IFT122: variants seen among roughly 807,000 people sequenced by gnomAD.
The protein encoded by IFT122 is intraflagellar transport 122.
Under a neutral mutation model 161.6 loss-of-function variants are expected in IFT122, and 118 were observed. The observed-to-expected ratio is 0.73, with a 90% confidence interval of 0.63 to 0.85. IFT122 has a LOEUF of 0.85. Ranked by LOEUF, IFT122 falls within the 40% of genes least tolerant of loss-of-function variation. The probability of loss-of-function intolerance (pLI) is 0.00; values close to 1 mark genes in which losing one functional copy is unlikely to be tolerated. For synonymous variants in IFT122, 550 were observed against 602.4 expected, an observed-to-expected ratio of 0.91 and a Z score of 1.27; for missense variants, 1,381 against 1,579.6, an observed-to-expected ratio of 0.87 and a Z score of 2.13.
At chr3:129,461,657 G>C (rs2076226321) in intron 5 of IFT122, among the ~76,000 whole-genome samples, 2 of 152,182 alleles carry the variant, frequency 1.3e-5, no homozygotes, top group African/African-American at 4.8e-5. Flanking sequence ...GGCAGAGACA[G>C]TGCAGTTGTC....
At chr3:129,519,051 G>A in intron 27 of IFT122, 56 bp from the exon 28 acceptor site, 1 of 1,442,100 alleles carries the variant, frequency 6.9e-7, no homozygotes, top group Non-Finnish European at 9.8e-7. Context: ...TAGGGTGGAG[G>A]CTAGGGTCTG....
chr3:129,478,212 G>A lies in IFT122; in HGVS notation c.1344G>A (p.Leu448=). The change falls in exon 12 of 30, where the codon CTG becomes CTA. Residue 448 remains leucine, a synonymous_variant. Coordinates refer to ENST00000348417, the MANE Select transcript of IFT122 (RefSeq NM_052989.3). The part of the protein sequence containing the change: ...LLVVCANHII[L]CQEKRLQCLS... ...TGGTGTGTGCCAATCACATCATCCT[G>A]TGCCAGGTGGGCAGCAGCATGTTGA... 6.2e-7 allele frequency: 1 copy of A among 1,614,098 alleles called. No individual in the cohort carries two copies. Among genetic ancestry groups the A allele is most frequent in the South Asian group, 1.1e-5 (1 of 91,082 alleles).
intron 9 of IFT122, among the ~76,000 whole-genome samples, chr3:129,475,301 G>C (rs1054846570): frequency 3.9e-5 from 6 of 152,176 alleles, no homozygotes; most frequent in Non-Finnish European, 7.3e-5. Context: ...ATAAAGTGGT[G>C]CATTCACTTG....
At chr3:129,444,680 C>T (rs886953954) in intron 1 of IFT122, among the ~76,000 whole-genome samples, 5 of 152,118 alleles carry the variant, frequency 3.3e-5, no homozygotes, top group Admixed American at 2.0e-4. Flanking sequence ...CACCACCACG[C>T]CCAGCTAATT....
chr3:129,461,405 T>C, intron 5 of IFT122, 101 bp downstream of exon 5: 1 of 855,162 alleles, frequency 1.2e-6, no homozygotes, highest in East Asian at 2.5e-5. Context: ...CTGAGAGAGT[T>C]AATACTACTT....
intron 19 of IFT122, among the ~76,000 whole-genome samples, chr3:129,502,476 A>G (rs1482927722): frequency 6.6e-6 from 1 of 152,230 alleles, no homozygotes; most frequent in Non-Finnish European, 1.5e-5. Flanking sequence ...TGGATAGCTC[A>G]GTGACTTCCG....
rs111717774 is a variant in IFT122, at chr3:129,478,107, G to A, written c.1239G>A (p.Glu413=). ...IQLPEKILIY[E]LYSEDLSDMH... is the part of the protein sequence containing the mutation. The stretch of plus-strand genomic sequence containing the variant: ...TGCCAGAGAAAATCCTCATCTATGA[G>A]TTGTATTCAGAGGACTTATCAGACA... The change falls in exon 12 of 30, where the codon GAG becomes GAA. Residue 413 remains glutamate, a synonymous_variant. Transcript: ENST00000348417. 8.3e-4 allele frequency: 1,345 copies of A among 1,614,078 alleles called. 11 individuals carry two copies. The African/African-American group carries it at 0.016, about 19-fold the overall frequency.
rs763232147 is a variant in IFT122 at position 129,495,621 on chromosome 3, T to C, written c.2208+14T>C. 4 of 1,614,138 alleles carry C rather than the reference T, an allele frequency of 2.5e-6. No individual in the cohort carries two copies. The highest frequency in any genetic ancestry group is 2.5e-6 in the Non-Finnish European group (3 of 1,179,996). On this transcript the variant is annotated intron_variant, in intron 18 of 29. Coordinates refer to ENST00000348417, the MANE Select transcript of IFT122 (RefSeq NM_052989.3). ...GAGTATGCCAAGGTAACCTACCCTG[T>C]CCCAGGCCCAAGCTCCAGCTTGGAG...
At chr3:129,502,309 A>G (rs1414543388) in intron 19 of IFT122, among the ~76,000 whole-genome samples, 2 of 152,086 alleles carry the variant, frequency 1.3e-5, no homozygotes, top group Non-Finnish European at 1.5e-5. Flanking sequence ...TGGGTGCTTC[A>G]CCTTCCCCAC....
At position 129,499,810 on chromosome 3, in the gene IFT122, G is replaced by A. The variant is rs1462561678; in HGVS notation, c.2209-92G>A. On this transcript the variant is annotated intron_variant, in intron 18 of 29. Transcript: ENST00000348417. ...CCTCCTGGTTGCCTGCTTCAGCCAT[G>A]TGGAGCCCGCCCTTGCTGCTAGAAA... 6.6e-6 allele frequency: 10 copies of A among 1,521,346 alleles called. No homozygotes were observed. The Admixed American group carries it at 6.7e-5, about 10-fold the overall frequency. The allele number at this position is 1,521,346 out of a possible 1,614,324, so 94.2% of individuals were successfully genotyped here.
At chr3:129,515,812 G>A (rs1031677913) in intron 26 of IFT122, among the ~76,000 whole-genome samples, 1 of 152,182 alleles carries the variant, frequency 6.6e-6, no homozygotes, top group Non-Finnish European at 1.5e-5. Context: ...CAAAGCTGAA[G>A]CACCCACTCT....
Position 129,465,934 on chromosome 3 carries a change from G to A in IFT122, c.564-956G>A, listed in dbSNP as rs1254427911. ...TGGGATTACAGGCGTGAGCCACCGC[G>A]CACGCCTGGCTAATTTTTTGTTGCC... On this transcript the variant is annotated intron_variant, in intron 7 of 29. Coordinates refer to ENST00000348417, the MANE Select transcript of IFT122 (RefSeq NM_052989.3). Among the ~76,000 whole-genome samples, 3 of 92,736 alleles carry A rather than the reference G, an allele frequency of 3.2e-5. 1 individual carries two copies. The highest frequency in any genetic ancestry group is 1.7e-4 in the African/African-American group (2 of 11,580). 60.8% of individuals were successfully genotyped at this position (92,736 alleles called of 152,430 possible).
At chr3:129,476,234 C>T (rs1040828008) in intron 9 of IFT122, 81 bp from the exon 10 acceptor site, 19 of 1,493,068 alleles carry the variant, frequency 1.3e-5, no homozygotes, top group African/African-American at 5.5e-5. Context: ...CTAAAGTTGG[C>T]GAGAAAAAGC....
intron 1 of IFT122, among the ~76,000 whole-genome samples, chr3:129,443,639 G>T (rs755142655): frequency 6.6e-6 from 1 of 152,198 alleles, no homozygotes; most frequent in Non-Finnish European, 1.5e-5. Flanking sequence ...GTAGAACATG[G>T]CCATTGCTTT....
chr3:129,468,592 C>T (rs2077045068), intron 8 of IFT122, among the ~76,000 whole-genome samples: 1 of 152,186 alleles, frequency 6.6e-6, no homozygotes, highest in Non-Finnish European at 1.5e-5. Flanking sequence ...GATCCACCTG[C>T]CTCAACCTCC....
chr3:129,450,381 A>G (rs1237269777), intron 2 of IFT122, among the ~76,000 whole-genome samples: 1 of 152,200 alleles, frequency 6.6e-6, no homozygotes, highest in Non-Finnish European at 1.5e-5. Flanking sequence ...CATATTTTCA[A>G]ATAACATAAG....
Position 129,507,743 on chromosome 3 carries a change from A to AT in IFT122, c.2868dup (p.Ala957CysfsTer16). ...TTGGCAGAGCTGTACCATGGTTACC[A>AT]TGCCATCCATCGCCACACGGTAAGG... On this transcript the variant is annotated frameshift_variant, in exon 23 of 30. Transcript: ENST00000348417. LOFTEE classifies it high-confidence loss of function. 6.2e-7 allele frequency: 1 copy of AT among 1,613,994 alleles called. No individual in the cohort carries two copies. Among genetic ancestry groups the AT allele is most frequent in the Non-Finnish European group, 8.5e-7 (1 of 1,179,900 alleles).
At chr3:129,468,202 C>A (rs534022519) in intron 8 of IFT122, among the ~76,000 whole-genome samples, 1 of 152,348 alleles carries the variant, frequency 6.6e-6, no homozygotes, top group East Asian at 1.9e-4. Flanking sequence ...CTGGGTTTTA[C>A]AAACAAGGCT....
At chr3:129,516,330 C>T (rs1386232484) in intron 26 of IFT122, among the ~76,000 whole-genome samples, 1 of 140,738 alleles carries the variant, frequency 7.1e-6, no homozygotes, top group Non-Finnish European at 1.5e-5. Flanking sequence ...TGCACACACA[C>T]AGAGACTGCC....
Sources: gnomAD v4.1 joint callset for allele counts (sites outside exome capture counted in the v4.1 genomes callset) on GRCh38, gnomAD v4.1.1 for gene constraint, MANE v1.5 for transcripts, NCBI Gene and HGNC (gene_info 2026-07-23, HGNC 2026-07-21) for gene names.